RIMS1: variants seen among roughly 807,000 people sequenced by gnomAD.
The protein encoded by RIMS1 is regulating synaptic membrane exocytosis 1, also known as regulating synaptic membrane exocytosis protein 1.
A neutral mutation model predicts 214.1 loss-of-function variants in RIMS1; 83 were observed. The ratio of observed to expected loss-of-function variants is 0.39; its 90% confidence interval spans 0.32 to 0.47. RIMS1 has a LOEUF of 0.47. Ranked by LOEUF, RIMS1 falls within the 20% of genes least tolerant of loss-of-function variation. The pLI is 0.99. For missense variants in RIMS1, 2,050 were observed against 2,161.8 expected, an observed-to-expected ratio of 0.95 and a Z score of 1.03; for synonymous variants, 793 against 786.8, an observed-to-expected ratio of 1.01 and a Z score of -0.13.
intron 4 of RIMS1, among the ~76,000 whole-genome samples, chr6:72,176,666 T>G (rs955430625): frequency 1.3e-5 from 2 of 152,140 alleles, no homozygotes; most frequent in African/African-American, 4.8e-5. Flanking sequence ...TTAAAAATGT[T>G]GTGGTGTACA....
intron 1 of RIMS1, among the ~76,000 whole-genome samples, chr6:71,916,519 A>G (rs1348654511): frequency 6.6e-6 from 1 of 152,118 alleles, no homozygotes; most frequent in Non-Finnish European, 1.5e-5. Flanking sequence ...TGGTATTTGT[A>G]TTCTAAGAAT....
intron 4 of RIMS1, among the ~76,000 whole-genome samples, chr6:72,167,229 A>G (rs951778815): frequency 2.0e-5 from 3 of 151,776 alleles, no homozygotes; most frequent in Non-Finnish European, 4.4e-5. Context: ...TTTATTTTGC[A>G]TATATATGTG....
intron 23 of RIMS1, among the ~76,000 whole-genome samples, chr6:72,275,986 G>A (rs1336186801): frequency 6.6e-6 from 1 of 152,210 alleles, no homozygotes; most frequent in Non-Finnish European, 1.5e-5. Flanking sequence ...GCCAAGTGGG[G>A]AGGATTACTT....
intron 4 of RIMS1, chr6:72,148,730 T>C (rs1223208358): frequency 2.5e-5 from 10 of 401,118 alleles, no homozygotes. Flanking sequence ...TTTTTTTTTC[T>C]AGGGCTTCAA....
chr6:72,176,707 T>G (rs868054657), intron 4 of RIMS1, among the ~76,000 whole-genome samples: 2 of 141,254 alleles, frequency 1.4e-5, no homozygotes, highest in Non-Finnish European at 1.5e-5. Flanking sequence ...AGTTTGGAAT[T>G]ATACAGTATT....
chr6:72,329,362 C>T (rs1230822637), intron 28 of RIMS1, among the ~76,000 whole-genome samples: 1 of 151,654 alleles, frequency 6.6e-6, no homozygotes, highest in Non-Finnish European at 1.5e-5. Context: ...CAAAGATGAT[C>T]CAAGAAACCC....
intron 1 of RIMS1, among the ~76,000 whole-genome samples, chr6:71,924,549 T>C (rs1384404018): frequency 6.6e-6 from 1 of 151,222 alleles, no homozygotes; most frequent in Middle Eastern, 3.2e-3. Context: ...ATCCCAGCAT[T>C]TTGGGAGGCA....
intron 9 of RIMS1, among the ~76,000 whole-genome samples, chr6:72,239,652 G>A (rs911491617): frequency 2.0e-5 from 3 of 152,050 alleles, no homozygotes; most frequent in South Asian, 2.1e-4. Flanking sequence ...GTCCTGCCCC[G>A]CTTTAAGTCT....
intron 2 of RIMS1, among the ~76,000 whole-genome samples, chr6:71,984,773 A>AT (rs1799429623): frequency 6.8e-6 from 1 of 146,742 alleles, no homozygotes; most frequent in South Asian, 2.2e-4. Flanking sequence ...ATGTATGTAC[A>AT]TATCTATCTA....
chr6:72,361,103 T>C (rs1400693180), intron 29 of RIMS1, among the ~76,000 whole-genome samples: 30 of 125,870 alleles, frequency 2.4e-4, no homozygotes, highest in African/African-American at 8.5e-4. Context: ...TTTCTTTTTT[T>C]TTTTTTTTTT....
intron 1 of RIMS1, among the ~76,000 whole-genome samples, chr6:71,902,775 A>G (rs1468053570): frequency 1.3e-5 from 2 of 151,936 alleles, no homozygotes; most frequent in Non-Finnish European, 2.9e-5. Context: ...AAAACATGTG[A>G]TATTCGGTTT....
intron 4 of RIMS1, chr6:72,175,370 T>A (rs1483947183): frequency 4.7e-6 from 2 of 425,946 alleles, no homozygotes; most frequent in East Asian, 1.5e-4. Context: ...GGAAGACATT[T>A]GTGTTAATAT....
intron 4 of RIMS1, among the ~76,000 whole-genome samples, chr6:72,107,860 C>T (rs1461694619): frequency 6.6e-6 from 1 of 152,116 alleles, no homozygotes; most frequent in African/African-American, 2.4e-5. Flanking sequence ...TTCTTAGAAA[C>T]TAATGTTTAT....
At chr6:72,039,305 T>C (rs995188465) in intron 2 of RIMS1, among the ~76,000 whole-genome samples, 1 of 152,106 alleles carries the variant, frequency 6.6e-6, no homozygotes, top group East Asian at 1.9e-4. Flanking sequence ...TTTTTGGCAA[T>C]GAAAAGCAAA....
intron 29 of RIMS1, among the ~76,000 whole-genome samples, chr6:72,337,522 T>C (rs909260503): frequency 6.6e-6 from 1 of 151,794 alleles, no homozygotes; most frequent in African/African-American, 2.4e-5. Context: ...ACAATTTCAC[T>C]CCTTCATTGG....
rs531719662 is a variant in RIMS1 at position 72,374,249 on chromosome 6, A to G, written c.4367-16349A>G. Among the ~76,000 whole-genome samples, 8 of 152,216 alleles carry G rather than the reference A, an allele frequency of 5.3e-5. No homozygotes were observed. The East Asian group carries it at 1.2e-3, about 22-fold the overall frequency. The stretch of plus-strand genomic sequence containing the variant: ...ATGTTTTTAATACTTCATTGTACCA[A>G]TTCTCACCACCAAACCATTTCTTTT... On this transcript the variant is annotated intron_variant, in intron 29 of 33. Transcript: ENST00000521978.
intron 2 of RIMS1, among the ~76,000 whole-genome samples, chr6:72,047,091 G>C (rs951957520): frequency 6.6e-6 from 1 of 152,082 alleles, no homozygotes; most frequent in Admixed American, 6.6e-5. Context: ...TTAATTTACA[G>C]TGTCCTGTGT....
intron 29 of RIMS1, among the ~76,000 whole-genome samples, chr6:72,335,516 G>A (rs763681658): frequency 7.9e-5 from 12 of 151,780 alleles, no homozygotes; most frequent in South Asian, 2.1e-4. Context: ...TATTGTGAAC[G>A]GTGTTGGAAT....
At chr6:71,916,656 G>A (rs776672342) in intron 1 of RIMS1, among the ~76,000 whole-genome samples, 18 of 151,962 alleles carry the variant, frequency 1.2e-4, no homozygotes, top group East Asian at 1.9e-4. Flanking sequence ...GAATTATAGC[G>A]AACCGGAATA....
Sources: allele counts gnomAD v4.1 joint callset (sites outside exome capture counted in the v4.1 genomes callset), GRCh38; gene constraint gnomAD v4.1.1; transcripts MANE v1.5; gene names NCBI Gene and HGNC (gene_info 2026-07-23, HGNC 2026-07-21).